The following ARSK variants were observed in gnomAD, a reference collection of about 807,000 sequenced individuals.
ARSK encodes the protein arylsulfatase family member K.
ARSK carries 37 observed loss-of-function variants against 53.2 expected under a neutral mutation model. That is an observed-to-expected ratio of 0.70 (90% CI 0.54 to 0.92). The LOEUF (loss-of-function observed/expected upper bound fraction) is 0.92, where lower values mean the gene tolerates loss of function less well. ARSK is among the 40% of genes least tolerant of loss of function. ARSK has a pLI of 0.00. For synonymous variants in ARSK, 208 were observed against 223.2 expected (o/e 0.93, Z 0.61); for missense variants, 613 against 643.0 (o/e 0.95, Z 0.51).
At position 95,555,235 on chromosome 5, in the gene ARSK, G is replaced by A; in HGVS notation, c.-44G>A. 6.5e-7 allele frequency: 1 copy of A among 1,541,620 alleles called. No individual in the cohort carries two copies. Among genetic ancestry groups the A allele is most frequent in the East Asian group, 2.5e-5 (1 of 40,372 alleles). ...TCTGCTAGGGAGAGAACGCCAGAGG[G>A]AGGCGGCTGGCCCGGCGGCAGGCTC... On this transcript the variant is annotated 5_prime_UTR_variant, in exon 1 of 8. Coordinates refer to ENST00000380009, the MANE Select transcript of ARSK (RefSeq NM_198150.3). This position sits in a 1 kb window ranked among gnomAD's most constrained non-coding sequence, Gnocchi z 4.0.
chr5:95,561,679 A>C (rs1748637549), intron 1 of ARSK, among the ~76,000 whole-genome samples: 1 of 152,244 alleles, frequency 6.6e-6, no homozygotes, highest in African/African-American at 2.4e-5. Context: ...TTCATATGAA[A>C]TGTCCAGAAA....
At chr5:95,583,390 G>C (rs556133901) in intron 4 of ARSK, among the ~76,000 whole-genome samples, 192 bp downstream of exon 4, 3 of 152,252 alleles carry the variant, frequency 2.0e-5, no homozygotes, top group East Asian at 1.9e-4. Context: ...TCAGAAGCCT[G>C]CTTCTGGATT....
At chr5:95,589,966 C>T (rs1749184172) in intron 5 of ARSK, among the ~76,000 whole-genome samples, 1 of 152,166 alleles carries the variant, frequency 6.6e-6, no homozygotes, top group South Asian at 2.1e-4. Context: ...GTAATAATTA[C>T]CATTCTAACT....
At position 95,603,530 on chromosome 5, in the gene ARSK, A is replaced by C. The variant is rs190017219; in HGVS notation, c.*4A>C. ...TATGAATCCAAGAGCAGTTTGAACA[A>C]AAAGTTTAAAAATAGTGTTCTAGAG... On this transcript the variant is annotated 3_prime_UTR_variant, in exon 8 of 8. Coordinates refer to ENST00000380009, the MANE Select transcript of ARSK (RefSeq NM_198150.3). 3.9e-5 allele frequency: 61 copies of C among 1,579,768 alleles called. 1 individual carries two copies. The African/African-American group carries it at 7.1e-4, about 18-fold the overall frequency.
chr5:95,558,208 A>G (rs1748561027), intron 1 of ARSK, among the ~76,000 whole-genome samples: 1 of 152,200 alleles, frequency 6.6e-6, no homozygotes. Context: ...CACTTACAGG[A>G]CAGAGGCTTT....
intron 3 of ARSK, among the ~76,000 whole-genome samples, chr5:95,571,416 A>T (rs1219575835): frequency 6.6e-6 from 1 of 152,252 alleles, no homozygotes; most frequent in African/African-American, 2.4e-5. Flanking sequence ...TTGATGAATG[A>T]AAAAGTTATT....
chr5:95,597,903 A>AG (rs1749339817), intron 6 of ARSK, among the ~76,000 whole-genome samples: 1 of 140,524 alleles, frequency 7.1e-6, no homozygotes, highest in African/African-American at 2.7e-5. Context: ...CAAAAAAAAA[A>AG]AGTGGGGGGC....
In ARSK at chr5:95,584,167, TAA is replaced by T. The variant is rs561830079; in HGVS notation, c.699+971_699+972del. On this transcript the variant is annotated intron_variant, in intron 4 of 7. Coordinates refer to ENST00000380009, the MANE Select transcript of ARSK (RefSeq NM_198150.3). Reference sequence around the variant, plus strand: ...GACTTCTCTTCATTATCTGTTTTTATAAAGTGTCACATTAATTTATCACTAGG... The same window carrying T: ...GACTTCTCTTCATTATCTGTTTTTATAGTGTCACATTAATTTATCACTAGG... 1.8e-3 allele frequency among the ~76,000 whole-genome samples: 274 copies of T among 152,370 alleles called. 2 individuals are homozygous for T. Among genetic ancestry groups the T allele is most frequent in the Admixed American group, 3.6e-3 (55 of 15,304 alleles).
rs59728284 is a variant in ARSK at position 95,564,606 on chromosome 5, G to A, written c.127-1392G>A. On this transcript the variant is annotated intron_variant, in intron 1 of 7. Coordinates refer to ENST00000380009, the MANE Select transcript of ARSK (RefSeq NM_198150.3). ...TAGCTGTTCATCTTTACCACGCATCGAAAGTGCTCTTGTCAGGGTCACCAG... is the reference window on the plus strand; with the variant it reads ...TAGCTGTTCATCTTTACCACGCATCAAAAGTGCTCTTGTCAGGGTCACCAG... Among the ~76,000 whole-genome samples, 1,210 of 151,966 alleles carry A rather than the reference G, an allele frequency of 8.0e-3. 17 individuals are homozygous for A. Among genetic ancestry groups the A allele is most frequent in the African/African-American group, 0.027 (1,118 of 41,408 alleles).
chr5:95,585,047 A>C (rs1580225905), intron 4 of ARSK, among the ~76,000 whole-genome samples: 1 of 152,220 alleles, frequency 6.6e-6, no homozygotes, highest in African/African-American at 2.4e-5. Flanking sequence ...TCTCAAAAGA[A>C]GATATACAAA....
At chr5:95,559,858 GA>G (rs1446896405) in intron 1 of ARSK, among the ~76,000 whole-genome samples, 1 of 152,034 alleles carries the variant, frequency 6.6e-6, no homozygotes, top group African/African-American at 2.4e-5. Context: ...CACAGAATTA[GA>G]AAAAAGATTA....
chr5:95,572,021 C>T (rs1245048495), intron 3 of ARSK, among the ~76,000 whole-genome samples: 1 of 152,130 alleles, frequency 6.6e-6, no homozygotes, highest in Non-Finnish European at 1.5e-5. Context: ...TTTGAACCTG[C>T]TTATATTTTC....
intron 6 of ARSK, among the ~76,000 whole-genome samples, chr5:95,599,584 T>C (rs1250167428): frequency 6.6e-6 from 1 of 152,130 alleles, no homozygotes; most frequent in African/African-American, 2.4e-5. Context: ...TAACCTCTTT[T>C]CTCCTCTTTT....
chr5:95,602,047 A>G (rs1749409741), intron 7 of ARSK, among the ~76,000 whole-genome samples: 1 of 152,070 alleles, frequency 6.6e-6, no homozygotes, highest in African/African-American at 2.4e-5. Flanking sequence ...AAAAAAAAAG[A>G]GAATCACAAT....
chr5:95,562,338 A>G (rs922319158), intron 1 of ARSK, among the ~76,000 whole-genome samples: 1 of 152,226 alleles, frequency 6.6e-6, no homozygotes, highest in Non-Finnish European at 1.5e-5. Flanking sequence ...CTGCCACTGC[A>G]CCTGTATCAG....
At chr5:95,566,160 T>A (rs770441844) in intron 2 of ARSK, 33 bp downstream of exon 2, 21 of 1,604,890 alleles carry the variant, frequency 1.3e-5, no homozygotes, top group African/African-American at 2.7e-5. Flanking sequence ...TGGGAGAAAG[T>A]GGCTACACAC....
chr5:95,558,951 G>A lies in ARSK; in HGVS notation c.126+3547G>A, dbSNP rs536298537. 1.6e-3 allele frequency among the ~76,000 whole-genome samples: 239 copies of A among 152,250 alleles called. 3 individuals carry two copies. Among genetic ancestry groups the A allele is most frequent in the African/African-American group, 5.6e-3 (233 of 41,536 alleles). The stretch of plus-strand genomic sequence containing the variant: ...AGATCAGGAGTTCGAGACCAGCCTG[G>A]CCAACATGGCGAAACCCTGTCTCTA... On this transcript the variant is annotated intron_variant, in intron 1 of 7. Transcript: ENST00000380009.
In ARSK at chr5:95,600,834, T is replaced by C. The variant is rs779911787; in HGVS notation, c.1097-13T>C. On this transcript the variant is annotated splice_polypyrimidine_tract_variant and intron_variant, in intron 6 of 7. Coordinates refer to ENST00000380009, the MANE Select transcript of ARSK (RefSeq NM_198150.3). ...GAGCTATTTTAAGATATTTGGTTAT[T>C]TTTGTTACATAGATATTGCTGGAAT... The C allele has an allele frequency of 3.1e-6, 5 of 1,603,182 alleles. No individual in the cohort carries two copies. In the Admixed American group the frequency reaches 8.3e-5, roughly 27 times the overall value.
chr5:95,566,067 C>T lies in ARSK; in HGVS notation c.196C>T (p.Arg66Cys), dbSNP rs770798168. ...TCCTTTTATCAACTTTATGAAGACA[C>T]GTGGGACTTCCTTTCTGAATGCCTA... Reference protein sequence around the residue: ...KLPFINFMKTRGTSFLNAYTN... With the variant: ...KLPFINFMKTCGTSFLNAYTN... Residue 66 changes from arginine (R) to cysteine (C), a missense_variant, in exon 2 of 8, where the codon CGT (arginine) becomes TGT (cysteine). Physicochemically the swap from Arg to Cys is radical, Grantham distance 180. Coordinates refer to ENST00000380009, the MANE Select transcript of ARSK (RefSeq NM_198150.3). 1.6e-5 allele frequency: 26 copies of T among 1,613,468 alleles called. No homozygotes were observed. The highest frequency in any genetic ancestry group is 5.0e-5 in the Admixed American group (3 of 59,920).
Sources: gnomAD v4.1 joint callset for allele counts (sites outside exome capture counted in the v4.1 genomes callset) on GRCh38, gnomAD v4.1.1 for gene constraint, Gnocchi (gnomAD v3.1) non-coding constraint, MANE v1.5 for transcripts, NCBI Gene and HGNC (gene_info 2026-07-23, HGNC 2026-07-21) for gene names.